The following GNAS variants were observed in gnomAD, a reference collection of about 807,000 sequenced individuals.
GNAS encodes GNAS complex locus.
A neutral mutation model predicts 54.5 loss-of-function variants in GNAS; 8 were observed. The observed-to-expected ratio is 0.15, with a 90% CI of 0.09 to 0.26. GNAS has a LOEUF of 0.26. GNAS is among the 10% of genes least tolerant of loss of function. The pLI is 1.00. For synonymous variants in GNAS, 204 were observed against 191.4 expected, an observed-to-expected ratio of 1.07 and a Z score of -0.54; for missense variants, 170 against 529.8, an observed-to-expected ratio of 0.32 and a Z score of 6.67.
At chr20:58,874,311 A>G (rs1453276166) in intron 1 of GNAS, among the ~76,000 whole-genome samples, 1 of 152,110 alleles carries the variant, frequency 6.6e-6, no homozygotes, top group East Asian at 1.9e-4. Flanking sequence ...CCTTTTGCCA[A>G]CTTCTTTCTT....
chr20:58,840,484 G>C (rs1433691629), upstream of GNAS: 1 of 1,613,562 alleles, frequency 6.2e-7, no homozygotes, highest in East Asian at 2.2e-5. This position sits in a 1 kb window ranked among gnomAD's most constrained non-coding sequence, Gnocchi z 6.0. Context: ...CCGACTTCGA[G>C]ACCGAGCCTG....
upstream of GNAS, among the ~76,000 whole-genome samples, chr20:58,886,603 A>G (rs989480581): frequency 6.6e-6 from 1 of 152,030 alleles, no homozygotes; most frequent in Non-Finnish European, 1.5e-5. Context: ...TGATCAATTA[A>G]ATTACTAACT....
At chr20:58,902,419 G>T (rs370148059) in intron 3 of GNAS, among the ~76,000 whole-genome samples, 64 of 152,252 alleles carry the variant, frequency 4.2e-4, no homozygotes, top group African/African-American at 1.4e-3. Context: ...TTAACATTCT[G>T]TTATGGTCCC....
At chr20:58,869,864 CACTTCTGGCTTCT>C (rs917243523) in intron 1 of GNAS, among the ~76,000 whole-genome samples, 6 of 152,202 alleles carry the variant, frequency 3.9e-5, no homozygotes, top group African/African-American at 1.4e-4. Flanking sequence ...TGGGGCAGGC[CACTTCTGGCTTCT>C]TTAGGCCTCG....
At chr20:58,896,481 A>G (rs1374414925) in intron 2 of GNAS, among the ~76,000 whole-genome samples, 1 of 152,164 alleles carries the variant, frequency 6.6e-6, no homozygotes, top group Non-Finnish European at 1.5e-5. Context: ...GAGACTTTGT[A>G]TTAGACCTGT....
rs2089310816 is a variant in GNAS at position 58,891,541 on chromosome 20, C to T, written c.-186C>T. ...CCCTCGGTCCGACCGACACCCTCCC[C>T]TTCCCGCCCGTCCGCGCGCCCCGCG... On this transcript the variant is annotated 5_prime_UTR_variant, in exon 1 of 13. Coordinates refer to ENST00000371085, the MANE Select transcript of GNAS (RefSeq NM_000516.7). 5.1e-6 allele frequency: 5 copies of T among 976,660 alleles called. No individual in the cohort carries two copies. The highest frequency in any genetic ancestry group is 6.1e-6 in the Non-Finnish European group (5 of 825,182). The allele number at this position is 976,660 out of a possible 1,614,324, so 60.5% of individuals were successfully genotyped here.
Position 58,910,660 on chromosome 20 carries a change from A to C in GNAS, c.1039-23A>C, listed in dbSNP as rs1221031877. On this transcript the variant is annotated intron_variant, in intron 12 of 12. Transcript: ENST00000371085. This position sits in a 1 kb window ranked among gnomAD's most constrained non-coding sequence, Gnocchi z 5.8. ...GTTCCTGGCGAGGGTGTCACTGACA[A>C]GTCCCCTTGTTTGTGCCCGCAGAGG... 6.2e-7 allele frequency: 1 copy of C among 1,613,974 alleles called. No homozygotes were observed. Among genetic ancestry groups the C allele is most frequent in the Admixed American group, 1.7e-5 (1 of 60,018 alleles).
chr20:58,854,750 G>A, intron 1 of GNAS: 3 of 1,544,794 alleles, frequency 1.9e-6, no homozygotes, highest in Non-Finnish European at 2.6e-6. Context: ...CAGACGCAGG[G>A]GCTCCCACTG....
At chr20:58,896,043 C>T (rs958656233) in intron 2 of GNAS, among the ~76,000 whole-genome samples, 5 of 152,164 alleles carry the variant, frequency 3.3e-5, no homozygotes, top group African/African-American at 9.7e-5. Flanking sequence ...GTGTCTTCAA[C>T]GTGGCTTTGG....
At chr20:58,891,942 CGCCCCCCGCCCCGGGCGCGCGCTCCCGA>C (rs1303609722) in intron 1 of GNAS, 77 bp downstream of exon 1, 218 of 872,968 alleles carry the variant, frequency 2.5e-4, no homozygotes, top group South Asian at 3.1e-4. Context: ...GCGCCGAGCC[CGCCCCCCGCCCCGGGCGCGCGCTCCCGA>C]GCCCCCCGCC....
In GNAS at chr20:58,855,422, C is replaced by G. The variant is rs73306256; in HGVS notation, c.43+14536C>G. 0.35 allele frequency: 418,396 copies of G among 1,185,254 alleles called. 82,481 individuals are homozygous for G. Among genetic ancestry groups the G allele is most frequent in the African/African-American group, 0.7 (46,178 of 65,634 alleles). The allele number at this position is 1,185,254 out of a possible 1,614,324, so 73.4% of individuals were successfully genotyped here. A position where few individuals can be genotyped will look rare whatever the true frequency, so the allele number is the denominator to read the frequency against. ...GGCTGCCTGGTGGGGCTAGGGGCTC[C>G]GCAGTGGGAGGAGGGGGTCCAGCCA... On this transcript the variant is annotated intron_variant, in intron 1 of 12. Transcript: ENST00000306090.
chr20:58,872,059 G>A (rs1400691607), intron 1 of GNAS, among the ~76,000 whole-genome samples: 1 of 152,120 alleles, frequency 6.6e-6, no homozygotes, highest in African/African-American at 2.4e-5. Flanking sequence ...TCCCTTGTTC[G>A]TTCAAGTGCC....
In GNAS at chr20:58,902,512, C is replaced by T. The variant is rs143502056; in HGVS notation, c.258-1019C>T. On this transcript the variant is annotated intron_variant, in intron 3 of 12. Transcript: ENST00000371085. ...TTCCATAAAGACCACGCAGGCCATC[C>T]CATGTGGCTGAGTTAAACTCAAGGA... 8.7e-4 allele frequency among the ~76,000 whole-genome samples: 132 copies of T among 152,094 alleles called. 1 individual carries two copies. The highest frequency in any genetic ancestry group is 1.5e-3 in the Non-Finnish European group (102 of 67,996).
At chr20:58,875,521 C>T (rs191032713) in intron 1 of GNAS, among the ~76,000 whole-genome samples, 1 of 152,202 alleles carries the variant, frequency 6.6e-6, no homozygotes, top group South Asian at 2.1e-4. Flanking sequence ...CTTCTAGTTC[C>T]AGCCCCATAC....
At position 58,840,925 on chromosome 20, in the gene GNAS, G is replaced by C. The variant is rs750784274; in HGVS notation, c.43+39G>C. 2.5e-6 allele frequency: 4 copies of C among 1,606,756 alleles called. No individual in the cohort carries two copies. In the East Asian group the frequency reaches 8.9e-5, roughly 36 times the overall value. ...CGCTAAACTGGGGAGCCTGAGGGCGGTGTGGGAGCAGCGCAGGTGGAAAGG... is the reference window on the plus strand; with the variant it reads ...CGCTAAACTGGGGAGCCTGAGGGCGCTGTGGGAGCAGCGCAGGTGGAAAGG... On this transcript the variant is annotated intron_variant, in intron 1 of 12. Coordinates refer to the GNAS transcript ENST00000306090. The surrounding 1 kb of genome is among the most constrained non-coding windows in gnomAD (Gnocchi z 6.0).
At chr20:58,900,472 A>G (rs578117391) in intron 3 of GNAS, 1 of 189,528 alleles carries the variant, frequency 5.3e-6, no homozygotes, top group South Asian at 1.9e-4. Context: ...CCACCAAAGC[A>G]CAAGGATTAA....
intron 3 of GNAS, chr20:58,899,485 A>C: frequency 1.8e-6 from 1 of 541,542 alleles, no homozygotes; most frequent in African/African-American, 1.9e-5. Flanking sequence ...CAGGTCGTTA[A>C]GAATCATCTC....
chr20:58,885,034 T>G (rs1183342080), intron 1 of GNAS: 1 of 152,250 alleles, frequency 6.6e-6, no homozygotes, highest in Admixed American at 6.5e-5. Context: ...AAGGGTAACA[T>G]GTGCATCATA....
chr20:58,909,232 C>T lies in GNAS; in HGVS notation c.585+16C>T, dbSNP rs1015112138. 2 of 1,608,986 alleles carry T rather than the reference C, an allele frequency of 1.2e-6. No individual in the cohort carries two copies. Among genetic ancestry groups the T allele is most frequent in the Non-Finnish European group, 1.7e-6 (2 of 1,175,322 alleles). On this transcript the variant is annotated intron_variant, in intron 7 of 12. Coordinates refer to ENST00000371085, the MANE Select transcript of GNAS (RefSeq NM_000516.7). This position sits in a 1 kb window ranked among gnomAD's most constrained non-coding sequence, Gnocchi z 7.3. Reference sequence around the variant, plus strand: ...GAGCGATCAGGTGTGCAAAACCCCTCCCCACCAGAGGACTCTGAGCCCTCT... The same window carrying T: ...GAGCGATCAGGTGTGCAAAACCCCTTCCCACCAGAGGACTCTGAGCCCTCT...
Sources: allele counts gnomAD v4.1 joint callset (sites outside exome capture counted in the v4.1 genomes callset), GRCh38; gene constraint gnomAD v4.1.1; non-coding constraint Gnocchi (gnomAD v3.1); transcripts MANE v1.5; gene names NCBI Gene and HGNC (gene_info 2026-07-23, HGNC 2026-07-21).